CPQ: variants seen among roughly 807,000 people sequenced by gnomAD.
CPQ encodes the protein carboxypeptidase Q.
CPQ carries 37 observed loss-of-function variants against 45.7 expected under a neutral mutation model. The observed-to-expected ratio is 0.81, with a 90% CI of 0.62 to 1.07. CPQ has a LOEUF of 1.07. CPQ is among the 50% of genes least tolerant of loss of function. CPQ has a pLI of 0.00. For synonymous variants in CPQ, 186 were observed against 205.8 expected (o/e 0.90, Z 0.82); for missense variants, 537 against 572.9 (o/e 0.94, Z 0.64).
chr8:97,117,519 T>C (rs965904125), intron 7 of CPQ, among the ~76,000 whole-genome samples: 1 of 152,074 alleles, frequency 6.6e-6, no homozygotes, highest in African/African-American at 2.4e-5. Flanking sequence ...TCTTTATTAT[T>C]ATTAATTACT....
chr8:97,067,698 G>A (rs1211020455), intron 7 of CPQ, among the ~76,000 whole-genome samples: 1 of 152,144 alleles, frequency 6.6e-6, no homozygotes, highest in African/African-American at 2.4e-5. Flanking sequence ...TACTCTAATA[G>A]AAAGACCAAA....
chr8:96,958,418 A>G (rs1813393660), intron 4 of CPQ, among the ~76,000 whole-genome samples: 1 of 150,606 alleles, frequency 6.6e-6, no homozygotes, highest in Non-Finnish European at 1.5e-5. Context: ...GAGGCTAAAT[A>G]GAGGAGGAAT....
chr8:97,089,260 G>GAGAAA (rs958652840), intron 7 of CPQ, among the ~76,000 whole-genome samples: 10 of 130,830 alleles, frequency 7.6e-5, no homozygotes, highest in South Asian at 2.4e-4. Flanking sequence ...AAAAAAAAAA[G>GAGAAA]AGAAAAGAAA....
intron 4 of CPQ, among the ~76,000 whole-genome samples, chr8:96,911,438 T>A (rs908977656): frequency 3.3e-5 from 5 of 152,208 alleles, no homozygotes; most frequent in Non-Finnish European, 7.3e-5. Flanking sequence ...TGCACTTGCC[T>A]TTTCATGCCA....
At chr8:97,140,161 C>A (rs1586559940) in intron 7 of CPQ, among the ~76,000 whole-genome samples, 1 of 151,772 alleles carries the variant, frequency 6.6e-6, no homozygotes, top group Non-Finnish European at 1.5e-5. Context: ...ACAAAACTCA[C>A]AAATTCCTAG....
Position 96,661,302 on chromosome 8 carries a change from G to C in CPQ, c.-35+15900G>C, listed in dbSNP as rs563120208. Among the ~76,000 whole-genome samples, 22 of 152,012 alleles carry C rather than the reference G, an allele frequency of 1.4e-4. No homozygotes were observed. The South Asian group carries it at 4.4e-3, about 30-fold the overall frequency. On this transcript the variant is annotated intron_variant, in intron 1 of 7. Transcript: ENST00000220763. ...TCACATGTGCATTCCCTACCAGAGT[G>C]GTACATTCGTTGCAATTGATGAACC...
intron 7 of CPQ, among the ~76,000 whole-genome samples, chr8:97,080,683 T>G: frequency 6.6e-6 from 1 of 152,228 alleles, no homozygotes. Flanking sequence ...TCCCCTTTAT[T>G]CCATTTTTTT....
intron 5 of CPQ, among the ~76,000 whole-genome samples, chr8:97,013,311 T>C (rs1468404349): frequency 3.3e-5 from 5 of 152,010 alleles, no homozygotes; most frequent in African/African-American, 1.2e-4. Flanking sequence ...ATAATAATAA[T>C]AATATTAATG....
chr8:97,024,348 G>A (rs1249879006), intron 5 of CPQ, among the ~76,000 whole-genome samples: 1 of 152,062 alleles, frequency 6.6e-6, no homozygotes, highest in Non-Finnish European at 1.5e-5. Context: ...TGCCAAGTGT[G>A]CAGATTGTTT....
chr8:96,925,997 A>G (rs889498721), intron 4 of CPQ, among the ~76,000 whole-genome samples: 5 of 152,160 alleles, frequency 3.3e-5, no homozygotes, highest in African/African-American at 1.2e-4. Flanking sequence ...TGGCATCTGC[A>G]TTTTTAAAAG....
chr8:96,733,396 A>G (rs1436152758), intron 1 of CPQ, among the ~76,000 whole-genome samples: 3 of 152,180 alleles, frequency 2.0e-5, no homozygotes, highest in East Asian at 1.9e-4. Flanking sequence ...TTAATCCTTC[A>G]CTTTGTATTT....
At chr8:96,904,221 A>G (rs1812547719) in intron 4 of CPQ, among the ~76,000 whole-genome samples, 1 of 71,824 alleles carries the variant, frequency 1.4e-5, no homozygotes, top group Non-Finnish European at 2.5e-5. Context: ...CTCCTCTCCC[A>G]ACATTTCCTC....
In CPQ at chr8:96,953,623, A is replaced by T. The variant is rs200411315; in HGVS notation, c.850-12312A>T. Among the ~76,000 whole-genome samples, 75 of 152,294 alleles carry T rather than the reference A, an allele frequency of 4.9e-4. No individual in the cohort carries two copies. In the East Asian group the frequency reaches 9.5e-3, roughly 19 times the overall value. On this transcript the variant is annotated intron_variant, in intron 4 of 7. Coordinates refer to ENST00000220763, the MANE Select transcript of CPQ (RefSeq NM_016134.4). The stretch of plus-strand genomic sequence containing the variant: ...TTCCTCAGGTGTCCTGGACGGAAAC[A>T]AAAGGGAGTAAAAAAGTGTTGGATT...
intron 2 of CPQ, among the ~76,000 whole-genome samples, chr8:96,822,502 C>T (rs1299182618): frequency 6.6e-6 from 1 of 151,936 alleles, no homozygotes; most frequent in African/African-American, 2.4e-5. Flanking sequence ...AGCCTCTACA[C>T]TGTTTTTCAT....
At chr8:96,779,077 A>G (rs867106559) in intron 1 of CPQ, among the ~76,000 whole-genome samples, 1 of 151,112 alleles carries the variant, frequency 6.6e-6, no homozygotes. Flanking sequence ...AAAAAAAAAA[A>G]AAAGGCATGT....
chr8:97,102,678 A>T (rs1173329475), intron 7 of CPQ, among the ~76,000 whole-genome samples: 1 of 152,138 alleles, frequency 6.6e-6, no homozygotes, highest in Admixed American at 6.6e-5. Flanking sequence ...TGAGATTAAA[A>T]ACAGTGTCAC....
At chr8:97,070,300 A>G (rs903396942) in intron 7 of CPQ, among the ~76,000 whole-genome samples, 2 of 152,138 alleles carry the variant, frequency 1.3e-5, no homozygotes, top group Non-Finnish European at 1.5e-5. Context: ...TTTGTCCCAC[A>G]ACCTGGCATG....
At chr8:96,851,283 C>T (rs916259293) in intron 3 of CPQ, among the ~76,000 whole-genome samples, 21 of 152,148 alleles carry the variant, frequency 1.4e-4, no homozygotes, top group African/African-American at 4.8e-4. Context: ...AGGTCATATT[C>T]GTAAAGGTTG....
intron 2 of CPQ, among the ~76,000 whole-genome samples, chr8:96,794,783 A>G (rs190479767): frequency 1.3e-5 from 2 of 152,106 alleles, no homozygotes; most frequent in Non-Finnish European, 2.9e-5. Flanking sequence ...ATCTCTCTCA[A>G]GTTCAAAGTT....
Sources: allele counts gnomAD v4.1 joint callset (sites outside exome capture counted in the v4.1 genomes callset), GRCh38; gene constraint gnomAD v4.1.1; transcripts MANE v1.5; gene names NCBI Gene and HGNC (gene_info 2026-07-23, HGNC 2026-07-21).